TNFRSF11A: variants seen among roughly 807,000 people sequenced by gnomAD.
TNFRSF11A encodes TNF receptor superfamily member 11a.
TNFRSF11A carries 32 observed loss-of-function variants against 55.7 expected under a neutral mutation model. That is an observed-to-expected ratio of 0.57 (90% CI 0.43 to 0.77). TNFRSF11A has a LOEUF of 0.77. Among genes scored for constraint, TNFRSF11A ranks in the 30% least tolerant of loss-of-function variants. TNFRSF11A has a pLI of 0.00. For synonymous variants in TNFRSF11A, 311 were observed against 331.0 expected (o/e 0.94, Z 0.65); for missense variants, 753 against 809.8 (o/e 0.93, Z 0.85).
chr18:62,347,238 C>G (rs2046396796), intron 1 of TNFRSF11A, among the ~76,000 whole-genome samples: 1 of 152,148 alleles, frequency 6.6e-6, no homozygotes, highest in Admixed American at 6.5e-5. Flanking sequence ...GGTGTGCATA[C>G]GTGGATGTCT....
chr18:62,326,741 GCTGTTTCCC>G (rs2046081676), intron 1 of TNFRSF11A, among the ~76,000 whole-genome samples: 1 of 152,206 alleles, frequency 6.6e-6, no homozygotes, highest in Non-Finnish European at 1.5e-5. Flanking sequence ...TTCAACAAAT[GCTGTTTCCC>G]GTCTTTTTGC....
Position 62,369,184 on chromosome 18 carries a change from C to T in TNFRSF11A, c.1267C>T (p.Gln423Ter). The change falls in exon 9 of 10, where the codon CAA becomes TAA. Residue 423 changes from glutamine (Q) to a stop codon, truncating the protein, a stop_gained. Coordinates refer to ENST00000586569, the MANE Select transcript of TNFRSF11A (RefSeq NM_003839.4). LOFTEE classifies it high-confidence loss of function. ...TCCCATGTCCTCTGAAAACTACTTG[C>T]AAAAAGAGGTGGACAGTGGCCATTG... The part of the protein sequence containing the change: ...WTPMSSENYL[Q>*]KEVDSGHCPH... The T allele has an allele frequency of 6.2e-7, 1 of 1,614,052 alleles. No homozygotes were observed. The highest frequency in any genetic ancestry group is 8.5e-7 in the Non-Finnish European group (1 of 1,180,030).
chr18:62,363,412 A>G (rs1345084563), intron 7 of TNFRSF11A, among the ~76,000 whole-genome samples: 1 of 132,004 alleles, frequency 7.6e-6, no homozygotes, highest in Non-Finnish European at 1.6e-5. Context: ...TCTGTCGCCC[A>G]AGCTGGAGTG....
Position 62,385,093 on chromosome 18 carries a change from C to A in TNFRSF11A, c.*59C>A. The A allele has an allele frequency of 1.4e-6, 2 of 1,394,136 alleles. No individual in the cohort carries two copies. Among genetic ancestry groups the A allele is most frequent in the Non-Finnish European group, 1.8e-6 (2 of 1,083,430 alleles). 86.4% of individuals were successfully genotyped at this position (1,394,136 alleles called of 1,614,324 possible). A position where few individuals can be genotyped will look rare whatever the true frequency, so the allele number is the denominator to read the frequency against. On this transcript the variant is annotated 3_prime_UTR_variant, in exon 10 of 10. Coordinates refer to ENST00000586569, the MANE Select transcript of TNFRSF11A (RefSeq NM_003839.4). ...GCCAGGGCTCGCGAGGGCAGCACCGCAGCCTCTGCCCCAGCCCCGGCCACC... is the reference window on the plus strand; with the variant it reads ...GCCAGGGCTCGCGAGGGCAGCACCGAAGCCTCTGCCCCAGCCCCGGCCACC...
chr18:62,357,102 A>G (rs915898300), intron 4 of TNFRSF11A, among the ~76,000 whole-genome samples: 4 of 152,228 alleles, frequency 2.6e-5, no homozygotes, highest in Non-Finnish European at 5.9e-5. Context: ...AGGAGCGGGT[A>G]CCCTACCTAG....
At position 62,363,651 on chromosome 18, in the gene TNFRSF11A, G is replaced by A. The variant is rs537413374; in HGVS notation, c.730+1858G>A. Among the ~76,000 whole-genome samples the A allele has an allele frequency of 3.9e-5, 6 of 152,280 alleles. No homozygotes were observed. In the East Asian group the frequency reaches 1.2e-3, roughly 29 times the overall value. On this transcript the variant is annotated intron_variant, in intron 7 of 9. Transcript: ENST00000586569. ...CAAAGTGCTGGGATTACATGCATGAGCCACCGCACCCAGCCAAGTGGTGAC... is the reference window on the plus strand; with the variant it reads ...CAAAGTGCTGGGATTACATGCATGAACCACCGCACCCAGCCAAGTGGTGAC...
intron 1 of TNFRSF11A, among the ~76,000 whole-genome samples, chr18:62,335,808 A>T (rs2046224419): frequency 6.6e-6 from 1 of 152,178 alleles, no homozygotes; most frequent in Non-Finnish European, 1.5e-5. Context: ...CTAGAAGGAA[A>T]CTGTTACAGT....
intron 9 of TNFRSF11A, among the ~76,000 whole-genome samples, chr18:62,377,194 C>T (rs939690749): frequency 5.3e-5 from 8 of 152,182 alleles, no homozygotes; most frequent in Admixed American, 3.3e-4. Context: ...GGATTATAGG[C>T]GTGAGCCACC....
intron 6 of TNFRSF11A, 32 bp from the exon 7 acceptor site, chr18:62,361,648 A>T (rs781286218): frequency 6.4e-7 from 1 of 1,561,532 alleles, no homozygotes; most frequent in Non-Finnish European, 8.8e-7. Context: ...AAGAATCTTT[A>T]CTACCATATT....
At position 62,390,383 on chromosome 18, in the gene TNFRSF11A, C is replaced by T. The variant is rs879827879; in HGVS notation, c.*5349C>T. 11 of 152,178 alleles carry T rather than the reference C, an allele frequency of 7.2e-5. No homozygotes were observed. Among genetic ancestry groups the T allele is most frequent in the Admixed American group, 3.9e-4 (6 of 15,278 alleles). 9.4% of individuals were successfully genotyped at this position (152,178 alleles called of 1,614,324 possible). A position where few individuals can be genotyped will look rare whatever the true frequency, so the allele number is the denominator to read the frequency against. ...GCATCAGTGTAGGCAACATGTAGGGCGCAAAGAATAGCCAGATGTGAAGGT... is the reference window on the plus strand; with the variant it reads ...GCATCAGTGTAGGCAACATGTAGGGTGCAAAGAATAGCCAGATGTGAAGGT... On this transcript the variant is annotated 3_prime_UTR_variant, in exon 10 of 10. Transcript: ENST00000586569.
rs1839770941 is a variant in TNFRSF11A at position 62,388,329 on chromosome 18, C to T, written c.*3295C>T. On this transcript the variant is annotated 3_prime_UTR_variant, in exon 10 of 10. Coordinates refer to ENST00000586569, the MANE Select transcript of TNFRSF11A (RefSeq NM_003839.4). ...TGAGAACAAGCAGAAACCTGCCAGG[C>T]TTCTTGAGGCCTAGGCTCTAACTGG... is the stretch of plus-strand genomic sequence containing the variant. The T allele has an allele frequency of 6.6e-6, 1 of 152,232 alleles. No homozygotes were observed. Among genetic ancestry groups the T allele is most frequent in the Non-Finnish European group, 1.5e-5 (1 of 68,074 alleles). The allele number at this position is 152,232 out of a possible 1,614,324, so 9.4% of individuals were successfully genotyped here.
intron 7 of TNFRSF11A, among the ~76,000 whole-genome samples, chr18:62,362,802 C>T (rs1909791218): frequency 6.6e-6 from 1 of 152,048 alleles, no homozygotes; most frequent in South Asian, 2.1e-4. Context: ...TGCTGTTTCA[C>T]CATCCTTTTC....
At chr18:62,366,859 CT>C in intron 8 of TNFRSF11A, 99 bp downstream of exon 8, 5 of 1,277,806 alleles carry the variant, frequency 3.9e-6, no homozygotes, top group Non-Finnish European at 4.6e-6. Context: ...CCCACCCCCA[CT>C]TTTTTTGAGA....
rs1911401565 is a variant in TNFRSF11A, at chr18:62,383,004, G to C, written c.1568-1747G>C. On this transcript the variant is annotated intron_variant, in intron 9 of 9. Transcript: ENST00000586569. This position sits in a 1 kb window ranked among gnomAD's most constrained non-coding sequence, Gnocchi z 4.2. ...GTGGGAGCAGAAGGGCGTAGATACA[G>C]TGGTGAGCAGACCCTCACTGGAGTA... 2.0e-5 allele frequency among the ~76,000 whole-genome samples: 3 copies of C among 152,202 alleles called. No homozygotes were observed. The South Asian group carries it at 6.2e-4, about 31-fold the overall frequency.
chr18:62,363,454 C>T (rs143757119), intron 7 of TNFRSF11A, among the ~76,000 whole-genome samples: 2,265 of 150,486 alleles, frequency 0.015, 55 homozygotes, highest in African/African-American at 0.053. Context: ...CTGCAACCTC[C>T]GCCTCCTGGG....
rs1396069359 is a variant in TNFRSF11A, at chr18:62,388,985, T to C, written c.*3951T>C. On this transcript the variant is annotated 3_prime_UTR_variant, in exon 10 of 10. Transcript: ENST00000586569. ...AAACGTAGTTTTGAGTTGTTTGCTCTTTGACAGTCTCTGATGGCATGTGAG... is the reference window on the plus strand; with the variant it reads ...AAACGTAGTTTTGAGTTGTTTGCTCCTTGACAGTCTCTGATGGCATGTGAG... 6.6e-6 allele frequency: 1 copy of C among 152,340 alleles called. No homozygotes were observed. Among genetic ancestry groups the C allele is most frequent in the Admixed American group, 6.5e-5 (1 of 15,288 alleles). The allele number at this position is 152,340 out of a possible 1,614,324, so 9.4% of individuals were successfully genotyped here.
At chr18:62,374,000 A>T (rs890356882) in intron 9 of TNFRSF11A, 12 of 150,918 alleles carry the variant, frequency 8.0e-5, no homozygotes, top group African/African-American at 2.9e-4. Flanking sequence ...CTTTCTTCAC[A>T]CTCTTGTTAG....
intron 3 of TNFRSF11A, among the ~76,000 whole-genome samples, chr18:62,353,199 C>T (rs1448049474): frequency 3.3e-5 from 5 of 152,148 alleles, no homozygotes; most frequent in African/African-American, 9.7e-5. Context: ...CACACTGTCA[C>T]GGACTGATCA....
chr18:62,372,741 T>C (rs1025935239), intron 9 of TNFRSF11A, among the ~76,000 whole-genome samples: 1 of 152,208 alleles, frequency 6.6e-6, no homozygotes, highest in Non-Finnish European at 1.5e-5. Context: ...AGCTTCCACT[T>C]ATAAGTGAGA....
Sources: allele counts gnomAD v4.1 joint callset (sites outside exome capture counted in the v4.1 genomes callset), GRCh38; gene constraint gnomAD v4.1.1; non-coding constraint Gnocchi (gnomAD v3.1); transcripts MANE v1.5; gene names NCBI Gene and HGNC (gene_info 2026-07-23, HGNC 2026-07-21).